The following DZIP1L variants were observed in gnomAD, a reference collection of about 807,000 sequenced individuals.
The protein encoded by DZIP1L is cilium assembly protein DZIP1L.
Under a neutral mutation model 88.7 loss-of-function variants are expected in DZIP1L, and 90 were observed. The observed-to-expected ratio is 1.02, with a 90% CI of 0.86 to 1.21. The LOEUF is 1.21. DZIP1L is among the 50% of genes most tolerant of loss of function. The pLI is 0.00. For missense variants in DZIP1L, 932 were observed against 955.8 expected (o/e 0.98, Z 0.33); for synonymous variants, 363 against 372.1 (o/e 0.98, Z 0.28).
At chr3:138,102,423 A>T in intron 2 of DZIP1L, 1 of 1,420,648 alleles carries the variant, frequency 7.0e-7, no homozygotes, top group Non-Finnish European at 9.9e-7. Flanking sequence ...GCATGTTGCC[A>T]AGCTCTGCCT....
chr3:138,092,418 T>A lies in DZIP1L; in HGVS notation c.835A>T (p.Lys279Ter), dbSNP rs1364634256. ...GTAGAGTTCTGCTTGGCGACATTTT[T>A]AAATTCATCCCAAAATAATTTTTTT... ...KLKKLFWDEF[K>*]NVAKQNSTLE... Residue 279 changes from lysine (K) to a stop codon, truncating the protein, a stop_gained, in exon 5 of 16, where the codon AAA (lysine) becomes TAA (stop). Coordinates refer to ENST00000327532, the MANE Select transcript of DZIP1L (RefSeq NM_173543.3). LOFTEE classifies it high-confidence loss of function. 6.2e-7 allele frequency: 1 copy of A among 1,605,098 alleles called. No homozygotes were observed. The highest frequency in any genetic ancestry group is 1.1e-5 in the South Asian group (1 of 88,204).
Position 138,068,231 on chromosome 3 carries a change from C to A in DZIP1L, c.1752G>T (p.Leu584=). 1 of 1,593,884 alleles carries A rather than the reference C, an allele frequency of 6.3e-7. No individual in the cohort carries two copies. The highest frequency in any genetic ancestry group is 8.6e-7 in the Non-Finnish European group (1 of 1,169,554). Residue 584 remains leucine, a synonymous_variant, in exon 13 of 16, where the codon CTG becomes CTT. Transcript: ENST00000327532. ...GTGGAGCGGGGGCGGACACCTGGGT[C>A]AGGCTGGAGCCATGGCTGCCATGGC... ...RQSHGSHGSS[L]TQVSAPAPRP...
intron 12 of DZIP1L, 94 bp from the exon 13 acceptor site, chr3:138,068,461 G>T: frequency 1.1e-6 from 1 of 895,546 alleles, no homozygotes; most frequent in South Asian, 2.2e-5. Context: ...CCCTGGAAAT[G>T]AACAATTACT....
intron 1 of DZIP1L, among the ~76,000 whole-genome samples, chr3:138,110,046 C>T (rs1459365353): frequency 6.6e-6 from 1 of 152,130 alleles, no homozygotes; most frequent in Non-Finnish European, 1.5e-5. Flanking sequence ...AACAAACATG[C>T]ACGTTCTGCA....
intron 3 of DZIP1L, among the ~76,000 whole-genome samples, chr3:138,095,512 G>A (rs1944429618): frequency 6.6e-6 from 1 of 152,138 alleles, no homozygotes; most frequent in Admixed American, 6.5e-5. Flanking sequence ...CGGGCGCAGT[G>A]GCTCATGCCT....
chr3:138,084,033 C>A, intron 8 of DZIP1L, 80 bp downstream of exon 8: 1 of 1,560,434 alleles, frequency 6.4e-7, no homozygotes. Flanking sequence ...CACTGATGAG[C>A]CCAAAAGAAT....
intron 11 of DZIP1L, among the ~76,000 whole-genome samples, chr3:138,076,337 T>A (rs1468217900): frequency 1.3e-5 from 2 of 152,194 alleles, no homozygotes; most frequent in Non-Finnish European, 2.9e-5. Flanking sequence ...GTACAACCAC[T>A]ATGGAAAAGT....
At chr3:138,102,392 G>A (rs1013553989) in intron 2 of DZIP1L, 20 of 1,280,434 alleles carry the variant, frequency 1.6e-5, no homozygotes, top group Admixed American at 6.7e-5. Context: ...ACTTGTTCTC[G>A]AAGTCCTCCA....
chr3:138,082,429 A>T (rs1943705271), intron 8 of DZIP1L, among the ~76,000 whole-genome samples: 1 of 152,210 alleles, frequency 6.6e-6, no homozygotes, highest in African/African-American at 2.4e-5. Flanking sequence ...TATTTGTTTT[A>T]CCACATAAAA....
At chr3:138,069,042 C>T (rs2107737370) in intron 12 of DZIP1L, 1 of 1,236,720 alleles carries the variant, frequency 8.1e-7, no homozygotes, top group Non-Finnish European at 1.0e-6. Flanking sequence ...GTTTGAAATA[C>T]AGTTGACCCC....
At chr3:138,093,295 CT>C (rs112666044) in intron 4 of DZIP1L, among the ~76,000 whole-genome samples, 3,887 of 152,126 alleles carry the variant, frequency 0.026, 179 homozygotes, top group African/African-American at 0.089. Context: ...TGAAAAGAAT[CT>C]TTTTTTTAGC....
At chr3:138,101,383 C>T (rs1433848132) in intron 2 of DZIP1L, 9 of 671,578 alleles carry the variant, frequency 1.3e-5, no homozygotes, top group Non-Finnish European at 2.4e-5. Flanking sequence ...TCAGGTGGGT[C>T]TCCCGTTCCC....
intron 11 of DZIP1L, 26 bp from the exon 12 acceptor site, chr3:138,071,861 A>G (rs762974953): frequency 1.3e-6 from 2 of 1,590,354 alleles, no homozygotes; most frequent in Non-Finnish European, 8.6e-7. Context: ...GTTCACCTTT[A>G]CAGAGAGAGG....
intron 9 of DZIP1L, among the ~76,000 whole-genome samples, chr3:138,081,249 C>T (rs1287073977): frequency 6.6e-6 from 1 of 152,128 alleles, no homozygotes; most frequent in East Asian, 1.9e-4. Context: ...CCTTTAGATG[C>T]CAGCACCTGC....
chr3:138,100,721 A>C (rs1269444581), intron 2 of DZIP1L, among the ~76,000 whole-genome samples: 2 of 152,240 alleles, frequency 1.3e-5, no homozygotes, highest in African/African-American at 2.4e-5. Flanking sequence ...TATAAGCAGA[A>C]ATAGGTAACC....
chr3:138,111,597 G>A (rs923766876), intron 1 of DZIP1L, among the ~76,000 whole-genome samples: 1 of 152,126 alleles, frequency 6.6e-6, no homozygotes, highest in Non-Finnish European at 1.5e-5. Context: ...CAGAATTAGG[G>A]GTCTGAGTTC....
chr3:138,103,334 T>C, intron 2 of DZIP1L, 137 bp downstream of exon 2: 2 of 967,984 alleles, frequency 2.1e-6, no homozygotes, highest in Non-Finnish European at 3.0e-6. Flanking sequence ...GCAGCATCTC[T>C]GAAATCTGCT....
rs773842291 is a variant in DZIP1L at position 138,068,344 on chromosome 3, C to A, written c.1639G>T (p.Val547Phe). Residue 547 changes from valine (V) to phenylalanine (F), a missense_variant, in exon 13 of 16, where the codon GTC (valine) becomes TTC (phenylalanine). Coordinates refer to ENST00000327532, the MANE Select transcript of DZIP1L (RefSeq NM_173543.3). ...GTCTTTGGCTGGGCCTCTCTGGTGA[C>A]CAGTGTGCTCTGCTGGCTTTTGACT... is the stretch of plus-strand genomic sequence containing the variant. The part of the protein sequence containing the change: ...PSVKSQQSTL[V>F]TREAQPKTRT... 2 of 1,547,992 alleles carry A rather than the reference C, an allele frequency of 1.3e-6. No homozygotes were observed. Among genetic ancestry groups the A allele is most frequent in the East Asian group, 2.4e-5 (1 of 41,694 alleles).
chr3:138,078,895 T>C (rs1943527946), intron 10 of DZIP1L, among the ~76,000 whole-genome samples: 1 of 152,156 alleles, frequency 6.6e-6, no homozygotes, highest in Non-Finnish European at 1.5e-5. Flanking sequence ...CTCCAGACAG[T>C]TCAAGCTTCC....
Sources: gnomAD v4.1 joint callset for allele counts (sites outside exome capture counted in the v4.1 genomes callset) on GRCh38, gnomAD v4.1.1 for gene constraint, MANE v1.5 for transcripts, NCBI Gene and HGNC (gene_info 2026-07-23, HGNC 2026-07-21) for gene names.